PATJ: variants seen among roughly 807,000 people sequenced by gnomAD.
The protein encoded by PATJ is inaD-like protein.
In PATJ, 190 loss-of-function variants were observed where a neutral mutation model predicts 224.9. The ratio of observed to expected loss-of-function variants is 0.84; its 90% CI spans 0.75 to 0.95. The LOEUF (loss-of-function observed/expected upper bound fraction) is 0.95, where lower values mean the gene tolerates loss of function less well. Among genes scored for constraint, PATJ ranks in the 40% least tolerant of loss-of-function variants. The pLI is 0.00. For synonymous variants in PATJ, 769 were observed against 820.3 expected, an observed-to-expected ratio of 0.94 and a Z score of 1.07; for missense variants, 2,121 against 2,270.3, an observed-to-expected ratio of 0.93 and a Z score of 1.34.
At chr1:62,144,852 T>TTTC (rs34874761) in intron 41 of PATJ, among the ~76,000 whole-genome samples, 5,283 of 150,076 alleles carry the variant, frequency 0.035, 176 homozygotes, top group South Asian at 0.13. Flanking sequence ...TGTTTGTGGG[T>TTTC]TTATTTTTAT....
intron 20 of PATJ, among the ~76,000 whole-genome samples, chr1:61,871,423 G>GTACATATATATGTGTATATATATA (rs1666426014): frequency 2.1e-5 from 1 of 47,518 alleles, no homozygotes; most frequent in South Asian, 7.5e-4. Flanking sequence ...ACATATATAT[G>GTACATATATATGTGTATATATATA]TACATATATA....
At chr1:61,839,105 T>G (rs951342233) in intron 17 of PATJ, among the ~76,000 whole-genome samples, 1 of 152,036 alleles carries the variant, frequency 6.6e-6, no homozygotes, top group Non-Finnish European at 1.5e-5. Flanking sequence ...CAGGTCTTTT[T>G]TTTTCTTTCT....
intron 1 of PATJ, among the ~76,000 whole-genome samples, chr1:61,746,405 G>T (rs1231765269): frequency 1.3e-5 from 2 of 152,186 alleles, no homozygotes; most frequent in Non-Finnish European, 2.9e-5. Flanking sequence ...CCACCTTCAA[G>T]ATGGAAAAGC....
intron 26 of PATJ, chr1:61,917,956 G>C (rs1221950828): frequency 1.3e-5 from 2 of 151,920 alleles, no homozygotes; most frequent in African/African-American, 4.8e-5. Flanking sequence ...GGAGGCTGAG[G>C]CAGGAGAATC....
intron 27 of PATJ, among the ~76,000 whole-genome samples, chr1:61,963,692 G>GT (rs973783201): frequency 4.6e-5 from 7 of 152,136 alleles, no homozygotes; most frequent in African/African-American, 1.7e-4. Flanking sequence ...TCATCCTTAT[G>GT]TTGAGTAGGC....
chr1:61,883,681 G>A (rs964205964), intron 21 of PATJ, among the ~76,000 whole-genome samples: 4 of 151,130 alleles, frequency 2.6e-5, no homozygotes, highest in East Asian at 1.9e-4. Context: ...GTATGAATCC[G>A]GGAGGCGGAG....
intron 28 of PATJ, among the ~76,000 whole-genome samples, chr1:61,996,738 T>C (rs1006784688): frequency 3.0e-5 from 3 of 98,900 alleles, no homozygotes; most frequent in Non-Finnish European, 3.8e-5. Context: ...TTTCTTTTCT[T>C]TTCTTTTTTT....
intron 28 of PATJ, among the ~76,000 whole-genome samples, chr1:62,011,510 G>A (rs1410926190): frequency 1.3e-5 from 2 of 152,108 alleles, no homozygotes; most frequent in African/African-American, 4.8e-5. Context: ...CATTTTATAT[G>A]GGCACAGTTT....
chr1:62,106,182 A>ATC (rs1553268394), intron 33 of PATJ, among the ~76,000 whole-genome samples: 5 of 108,086 alleles, frequency 4.6e-5, no homozygotes, highest in African/African-American at 1.7e-4. Context: ...ATATATATAT[A>ATC]TATATGGCTG....
At chr1:61,958,636 A>G (rs1288346604) in intron 27 of PATJ, among the ~76,000 whole-genome samples, 1 of 152,152 alleles carries the variant, frequency 6.6e-6, no homozygotes, top group Non-Finnish European at 1.5e-5. Flanking sequence ...GTGACCCTAT[A>G]TACGGCCTCA....
At chr1:62,159,920 C>A (rs561908305) in intron 43 of PATJ, among the ~76,000 whole-genome samples, 78 of 152,246 alleles carry the variant, frequency 5.1e-4, no homozygotes, top group Non-Finnish European at 9.8e-4. Context: ...GTCTGATTCC[C>A]CAGCACCTCA....
chr1:62,008,955 TA>T lies in PATJ; in HGVS notation c.3868-8898del, dbSNP rs1387614002. Among the ~76,000 whole-genome samples the T allele has an allele frequency of 1.2e-4, 19 of 152,278 alleles. No homozygotes were observed. The East Asian group carries it at 3.7e-3, about 29-fold the overall frequency. ...CACCATTGTGGGATGATATCAAAGA[TA>T]AAGACATGTCTACATAATTTATTAT... On this transcript the variant is annotated intron_variant, in intron 28 of 43. Transcript: ENST00000642238.
intron 26 of PATJ, among the ~76,000 whole-genome samples, chr1:61,924,679 CTTTAT>C (rs993418658): frequency 4.6e-5 from 7 of 152,166 alleles, no homozygotes; most frequent in African/African-American, 1.7e-4. Context: ...GAAAGAGATT[CTTTAT>C]TTTGAGAGAT....
chr1:62,089,438 G>C (rs1251979070), intron 33 of PATJ, among the ~76,000 whole-genome samples: 1 of 151,306 alleles, frequency 6.6e-6, no homozygotes, highest in East Asian at 1.9e-4. Context: ...ATATAGTTCT[G>C]CCTTTTCAGA....
chr1:61,971,764 C>T (rs1264857687), intron 27 of PATJ, among the ~76,000 whole-genome samples: 1 of 151,638 alleles, frequency 6.6e-6, no homozygotes, highest in Non-Finnish European at 1.5e-5. Flanking sequence ...GAGGCCAAGG[C>T]AGAAGGATTG....
chr1:61,914,362 T>A (rs969846862), intron 25 of PATJ, among the ~76,000 whole-genome samples: 7 of 152,052 alleles, frequency 4.6e-5, no homozygotes, highest in African/African-American at 1.7e-4. Flanking sequence ...AGGCTGAGGC[T>A]GGAGAAGCGC....
intron 27 of PATJ, among the ~76,000 whole-genome samples, chr1:61,947,795 C>A (rs1245830751): frequency 6.6e-6 from 1 of 152,158 alleles, no homozygotes. Context: ...GGAGTCATCT[C>A]GCTACCTGAC....
intron 31 of PATJ, among the ~76,000 whole-genome samples, chr1:62,061,093 G>A (rs1034315598): frequency 6.6e-5 from 10 of 152,108 alleles, no homozygotes; most frequent in African/African-American, 2.4e-4. Context: ...CTCTGTGAGC[G>A]CAGTCCCCAG....
chr1:62,043,711 T>G (rs1156244279), intron 30 of PATJ, among the ~76,000 whole-genome samples: 1 of 139,458 alleles, frequency 7.2e-6, no homozygotes, highest in Non-Finnish European at 1.6e-5. Context: ...TGGGTTTTTT[T>G]GTTTGGTTTT....
Sources: gnomAD v4.1 joint callset for allele counts (sites outside exome capture counted in the v4.1 genomes callset) on GRCh38, gnomAD v4.1.1 for gene constraint, MANE v1.5 for transcripts, NCBI Gene and HGNC (gene_info 2026-07-23, HGNC 2026-07-21) for gene names.